The following UNC5A variants were observed in gnomAD, a reference collection of about 807,000 sequenced individuals.
UNC5A encodes netrin receptor UNC5A.
UNC5A carries 20 observed loss-of-function variants against 87.4 expected under a neutral mutation model. The ratio of observed to expected loss-of-function variants is 0.23; its 90% CI spans 0.16 to 0.33. The LOEUF (loss-of-function observed/expected upper bound fraction) is 0.33. Among genes scored for constraint, UNC5A ranks in the 10% least tolerant of loss-of-function variants. The probability of loss-of-function intolerance (pLI) is 1.00; values close to 1 mark genes in which losing one functional copy is unlikely to be tolerated. For missense variants in UNC5A, 844 were observed against 1,133.4 expected (o/e 0.74, Z 3.67); for synonymous variants, 438 against 482.3 (o/e 0.91, Z 1.20).
intron 1 of UNC5A, among the ~76,000 whole-genome samples, chr5:176,845,296 C>A (rs900738685): frequency 1.3e-5 from 2 of 152,236 alleles, no homozygotes; most frequent in African/African-American, 4.8e-5. Flanking sequence ...TCTTCTGCCG[C>A]CCCTGCTTCC....
chr5:176,862,590 C>T (rs1561661320), intron 1 of UNC5A, 34 bp from the exon 2 acceptor site: 2 of 1,602,520 alleles, frequency 1.2e-6, no homozygotes, highest in African/African-American at 1.3e-5. Flanking sequence ...CCAGTCTGGC[C>T]CCTGGCTCAC....
chr5:176,820,773 T>C (rs1015423852), intron 1 of UNC5A, among the ~76,000 whole-genome samples: 8 of 152,200 alleles, frequency 5.3e-5, no homozygotes, highest in African/African-American at 1.9e-4. Flanking sequence ...TTAGGTTTTG[T>C]ATCTGGTCCA....
chr5:176,879,214 C>T (rs983021360), intron 13 of UNC5A, 96 bp from the exon 14 acceptor site: 124 of 1,407,676 alleles, frequency 8.8e-5, no homozygotes, highest in Non-Finnish European at 1.1e-4. Context: ...CGCCCCCATG[C>T]TCTGGGGGAG....
At chr5:176,813,054 A>G (rs1756504888) in intron 1 of UNC5A, among the ~76,000 whole-genome samples, 1 of 152,182 alleles carries the variant, frequency 6.6e-6, no homozygotes, top group South Asian at 2.1e-4. Flanking sequence ...TCCCCAGGCC[A>G]CGCGCCCACC....
At position 176,879,845 on chromosome 5, in the gene UNC5A, C is replaced by T; in HGVS notation, c.2488C>T (p.Pro830Ser). 1.2e-6 allele frequency: 2 copies of T among 1,612,428 alleles called. No individual in the cohort carries two copies. The highest frequency in any genetic ancestry group is 1.7e-6 in the Non-Finnish European group (2 of 1,179,746). Reference sequence around the variant, plus strand: ...TGCAGCAGTGGCTGGACTGGGCCAGCCAGACGCTGGCCTCTTCACAGTGTC... The same window carrying T: ...TGCAGCAGTGGCTGGACTGGGCCAGTCAGACGCTGGCCTCTTCACAGTGTC... ...LAAAVAGLGQPDAGLFTVSEA... is the reference protein window; with the variant it reads ...LAAAVAGLGQSDAGLFTVSEA... Residue 830 changes from proline to serine, a missense_variant, in exon 15 of 15, where the codon CCA becomes TCA. Physicochemically the swap from Pro to Ser is moderately conservative, Grantham distance 74. Around this residue, in one of 3 missense-constraint regions of UNC5A, gnomAD observed 177 missense variants for 279.4 expected, o/e 0.63. Transcript: ENST00000329542.
In UNC5A at chr5:176,874,084, G is replaced by C. The variant is rs896925310; in HGVS notation, c.1003G>C (p.Asp335His). 1 of 1,614,032 alleles carries C rather than the reference G, an allele frequency of 6.2e-7. No individual in the cohort carries two copies. Among genetic ancestry groups the C allele is most frequent in the Admixed American group, 1.7e-5 (1 of 60,000 alleles). The change falls in exon 7 of 15, where the codon GAC becomes CAC. Residue 335 changes from aspartate to histidine, a missense_variant. Around this residue, in one of 3 missense-constraint regions of UNC5A, gnomAD observed 353 missense variants for 387.5 expected, o/e 0.91. Coordinates refer to ENST00000329542, the MANE Select transcript of UNC5A (RefSeq NM_133369.3). The surrounding 1 kb of genome is among the most constrained non-coding windows in gnomAD (Gnocchi z 7.6). ...TTATTGCCGGAAGAAGGAGGGGCTG[G>C]ACTCAGATGTGGCTGACTCGTCCAT... ...LVYCRKKEGL[D>H]SDVADSSILT...
intron 1 of UNC5A, among the ~76,000 whole-genome samples, chr5:176,862,150 T>G (rs559052251): frequency 2.5e-4 from 38 of 152,296 alleles, no homozygotes; most frequent in African/African-American, 8.9e-4. Flanking sequence ...GCACCTACTA[T>G]GTGCAGGGCC....
chr5:176,811,262 G>A (rs1756445529), intron 1 of UNC5A, among the ~76,000 whole-genome samples: 1 of 152,200 alleles, frequency 6.6e-6, no homozygotes, highest in Admixed American at 6.5e-5. Flanking sequence ...GCCCTAAACA[G>A]CCACTCACAA....
At chr5:176,876,813 T>C (rs1002725934) in intron 8 of UNC5A, among the ~76,000 whole-genome samples, 2 of 152,176 alleles carry the variant, frequency 1.3e-5, no homozygotes, top group African/African-American at 2.4e-5. Context: ...GCAAAGGCCC[T>C]TCAATGCCAG....
chr5:176,833,854 G>A (rs1040585867), intron 1 of UNC5A, among the ~76,000 whole-genome samples: 4 of 151,446 alleles, frequency 2.6e-5, no homozygotes, highest in African/African-American at 4.8e-5. Flanking sequence ...GACTACAGGC[G>A]CCCACCACTA....
At position 176,875,844 on chromosome 5, in the gene UNC5A, G is replaced by A. The variant is rs1758248388; in HGVS notation, c.1378+1278G>A. Among the ~76,000 whole-genome samples the A allele has an allele frequency of 6.6e-6, 1 of 152,176 alleles. No homozygotes were observed. Among genetic ancestry groups the A allele is most frequent in the African/African-American group, 2.4e-5 (1 of 41,428 alleles). ...CCTGCCCCTCCCACCAGCTCAGCTG[G>A]GACTTCTCTTTTGGGTCCCCGCCTG... On this transcript the variant is annotated intron_variant, in intron 8 of 14. Coordinates refer to ENST00000329542, the MANE Select transcript of UNC5A (RefSeq NM_133369.3). This position sits in a 1 kb window ranked among gnomAD's most constrained non-coding sequence, Gnocchi z 5.2.
chr5:176,864,688 G>A (rs2149364919), intron 2 of UNC5A: 3 of 358,242 alleles, frequency 8.4e-6, no homozygotes, highest in Middle Eastern at 3.8e-4. Flanking sequence ...CAGTGCCTTG[G>A]CCTGACTGCA....
Position 176,866,416 on chromosome 5 carries a change from C to G in UNC5A, c.293-1714C>G, listed in dbSNP as rs1189651606. ...AGAGGGAGGAGAGGAGGTGGCAGGACAGAAGGGGAGGGAAGGCAAAGGGAG... is the reference window on the plus strand; with the variant it reads ...AGAGGGAGGAGAGGAGGTGGCAGGAGAGAAGGGGAGGGAAGGCAAAGGGAG... On this transcript the variant is annotated intron_variant, in intron 2 of 14. Transcript: ENST00000329542. The surrounding 1 kb of genome is among the most constrained non-coding windows in gnomAD (Gnocchi z 5.0). Among the ~76,000 whole-genome samples the G allele has an allele frequency of 1.3e-5, 2 of 152,096 alleles. No homozygotes were observed. Among genetic ancestry groups the G allele is most frequent in the Admixed American group, 6.5e-5 (1 of 15,280 alleles).
rs1405516991 is a variant in UNC5A, at chr5:176,873,842, T to A, written c.887-126T>A. The A allele has an allele frequency of 4.2e-6, 4 of 949,216 alleles. No homozygotes were observed. In the East Asian group the frequency reaches 1.0e-4, roughly 24 times the overall value. The allele number at this position is 949,216 out of a possible 1,614,324, so 58.8% of individuals were successfully genotyped here. On this transcript the variant is annotated intron_variant, in intron 6 of 14. Coordinates refer to ENST00000329542, the MANE Select transcript of UNC5A (RefSeq NM_133369.3). ...GACTCCATGCTCCCTGCCACAAGCG[T>A]CTGCTCCCTAGCTAGTGCAGATGCC...
At chr5:176,839,759 G>A (rs1200348070) in intron 1 of UNC5A, among the ~76,000 whole-genome samples, 3 of 151,160 alleles carry the variant, frequency 2.0e-5, no homozygotes, top group East Asian at 3.9e-4. Flanking sequence ...GAAGACAGAA[G>A]CAAGCAGCAC....
intron 1 of UNC5A, among the ~76,000 whole-genome samples, chr5:176,830,727 T>TGTGTGG (rs146266592): frequency 0.82 from 100,469 of 122,220 alleles, 43,682 homozygotes; most frequent in Non-Finnish European, 0.94. Context: ...CTGGCATGTA[T>TGTGTGG]GTGTGGGTGT....
At chr5:176,860,483 C>A (rs184841155) in intron 1 of UNC5A, among the ~76,000 whole-genome samples, 9 of 152,196 alleles carry the variant, frequency 5.9e-5, no homozygotes, top group Non-Finnish European at 8.8e-5. Context: ...TCCCTGAGCC[C>A]ACCCCTGGGT....
intron 1 of UNC5A, among the ~76,000 whole-genome samples, chr5:176,835,157 C>T (rs549268089): frequency 6.6e-6 from 1 of 152,398 alleles, no homozygotes; most frequent in Non-Finnish European, 1.5e-5. Context: ...TCTCACATCC[C>T]ATCAGCCTGG....
chr5:176,822,061 T>G (rs1020196335), intron 1 of UNC5A, among the ~76,000 whole-genome samples: 4 of 152,212 alleles, frequency 2.6e-5, no homozygotes, highest in Admixed American at 2.0e-4. Context: ...CTTGGGCAGG[T>G]TATTTAAGCT....
Sources: allele counts gnomAD v4.1 joint callset (sites outside exome capture counted in the v4.1 genomes callset), GRCh38; gene constraint gnomAD v4.1.1; regional missense constraint gnomAD v4.1.1; non-coding constraint Gnocchi (gnomAD v3.1); transcripts MANE v1.5; gene names NCBI Gene and HGNC (gene_info 2026-07-23, HGNC 2026-07-21).